NTN1: variants seen among roughly 807,000 people sequenced by gnomAD.
NTN1 encodes the protein netrin 1, also known as netrin-1.
In NTN1, 11 loss-of-function variants were observed where a neutral mutation model predicts 54.2. That is an observed-to-expected ratio of 0.20 (90% confidence interval 0.13 to 0.34). NTN1 has a LOEUF of 0.34. Among genes scored for constraint, NTN1 ranks in the 10% least tolerant of loss-of-function variants. The pLI is 1.00. For missense variants in NTN1, 740 were observed against 893.1 expected, an observed-to-expected ratio of 0.83 and a Z score of 2.18; for synonymous variants, 371 against 382.0, an observed-to-expected ratio of 0.97 and a Z score of 0.33.
intron 2 of NTN1, among the ~76,000 whole-genome samples, chr17:9,057,998 C>T (rs2091984556): frequency 6.6e-6 from 1 of 152,230 alleles, no homozygotes; most frequent in African/African-American, 2.4e-5. Context: ...AGCGATTCTC[C>T]TGCCTCAGCC....
At chr17:9,133,301 TCTCA>T (rs1387936099) in intron 2 of NTN1, among the ~76,000 whole-genome samples, 2 of 152,234 alleles carry the variant, frequency 1.3e-5, no homozygotes, top group Non-Finnish European at 2.9e-5. Context: ...TGGCTGTGGT[TCTCA>T]CTCACAGGAC....
intron 2 of NTN1, among the ~76,000 whole-genome samples, chr17:9,132,960 C>T (rs1442191510): frequency 6.6e-6 from 1 of 152,176 alleles, no homozygotes; most frequent in Admixed American, 6.5e-5. Context: ...GTGGCCCAGC[C>T]TGACTCCAGG....
intron 2 of NTN1, among the ~76,000 whole-genome samples, chr17:9,089,093 G>A (rs1222890569): frequency 2.0e-5 from 3 of 152,078 alleles, no homozygotes; most frequent in Admixed American, 6.6e-5. Context: ...GGTATGAGGA[G>A]CCTCATTTGT....
At chr17:9,173,884 G>A (rs77357122) in intron 3 of NTN1, 1 of 152,474 alleles carries the variant, frequency 6.6e-6, no homozygotes, top group African/African-American at 2.4e-5. Context: ...ACTAGGAAGG[G>A]AGTTTCCCAT....
chr17:9,215,250 TACACAC>T (rs58245153), intron 5 of NTN1, among the ~76,000 whole-genome samples: 2,313 of 138,308 alleles, frequency 0.017, 32 homozygotes, highest in African/African-American at 0.036. Context: ...GCTAGATAGA[TACACAC>T]ACACACACAC....
At position 9,056,174 on chromosome 17, in the gene NTN1, A is replaced by C. The variant is rs190227128; in HGVS notation, c.1018+32783A>C. ...CGGGTTCAAGCAATTCTCCTGCCTC[A>C]GCCTCCCGAGTAGCTGGGATTACAG... On this transcript the variant is annotated intron_variant, in intron 2 of 6. Transcript: ENST00000173229. Among the ~76,000 whole-genome samples the C allele has an allele frequency of 1.2e-4, 19 of 152,268 alleles. No homozygotes were observed. The East Asian group carries it at 3.3e-3, about 26-fold the overall frequency.
intron 2 of NTN1, among the ~76,000 whole-genome samples, chr17:9,097,830 A>G (rs2092136974): frequency 6.6e-6 from 1 of 152,106 alleles, no homozygotes; most frequent in African/African-American, 2.4e-5. Flanking sequence ...CATATAACGT[A>G]ATTTATTGAA....
intron 6 of NTN1, among the ~76,000 whole-genome samples, chr17:9,227,388 C>CTT (rs1555578901): frequency 1.4e-3 from 215 of 150,066 alleles, no homozygotes; most frequent in African/African-American, 4.7e-3. Flanking sequence ...ACACCACACA[C>CTT]TATCACACAG....
At chr17:9,222,470 T>C (rs1209778941) in intron 6 of NTN1, among the ~76,000 whole-genome samples, 1 of 152,130 alleles carries the variant, frequency 6.6e-6, no homozygotes, top group African/African-American at 2.4e-5. Flanking sequence ...TCAGTTTCCT[T>C]ATATGTAAGA....
At chr17:9,200,381 C>T (rs1039467377) in intron 5 of NTN1, among the ~76,000 whole-genome samples, 1 of 152,182 alleles carries the variant, frequency 6.6e-6, no homozygotes, top group African/African-American at 2.4e-5. Flanking sequence ...TTATTAAAGG[C>T]GAATACACAG....
At chr17:9,172,401 C>T (rs2092389432) in intron 3 of NTN1, among the ~76,000 whole-genome samples, 1 of 151,934 alleles carries the variant, frequency 6.6e-6, no homozygotes, top group Non-Finnish European at 1.5e-5. Flanking sequence ...AATGGCGTGA[C>T]CCGGGAGGCG....
intron 1 of NTN1, among the ~76,000 whole-genome samples, chr17:9,021,943 G>A (rs2091850024): frequency 6.6e-6 from 1 of 152,202 alleles, no homozygotes; most frequent in Non-Finnish European, 1.5e-5. Context: ...CGGGCTGCGA[G>A]ACGAAGGGGC....
chr17:9,189,231 AC>A (rs1409972388), intron 5 of NTN1, among the ~76,000 whole-genome samples: 1 of 152,204 alleles, frequency 6.6e-6, no homozygotes, highest in African/African-American at 2.4e-5. Context: ...AGAGGAGTAA[AC>A]TGAGGCACAG....
intron 2 of NTN1, among the ~76,000 whole-genome samples, chr17:9,112,329 C>T (rs1309830601): frequency 2.0e-5 from 3 of 152,140 alleles, no homozygotes; most frequent in Admixed American, 6.5e-5. Flanking sequence ...TTCACCTATT[C>T]GTTACAATTT....
At chr17:9,182,295 TTAGA>T (rs1367632899) in intron 4 of NTN1, among the ~76,000 whole-genome samples, 3 of 152,198 alleles carry the variant, frequency 2.0e-5, no homozygotes, top group African/African-American at 4.8e-5. Context: ...GAGTGCTATA[TTAGA>T]TAGAGAATAA....
rs1906101282 is a variant in NTN1 at position 9,239,252 on chromosome 17, G to A, written c.1487-388G>A. Among the ~76,000 whole-genome samples, 2 of 152,134 alleles carry A rather than the reference G, an allele frequency of 1.3e-5. No homozygotes were observed. The highest frequency in any genetic ancestry group is 4.1e-4 in the South Asian group (2 of 4,828). On this transcript the variant is annotated intron_variant, in intron 6 of 6. Coordinates refer to ENST00000173229, the MANE Select transcript of NTN1 (RefSeq NM_004822.3). This position sits in a 1 kb window ranked among gnomAD's most constrained non-coding sequence, Gnocchi z 5.2. ...AAGTGACTTGGGCCTTTGGAGAAGC[G>A]CACCCCTGAGGAACCTCCCTCTCCC...
At chr17:9,217,979 CCTT>C (rs1019913355) in intron 5 of NTN1, among the ~76,000 whole-genome samples, 18 of 152,156 alleles carry the variant, frequency 1.2e-4, no homozygotes, top group African/African-American at 3.9e-4. Context: ...TCAGCAGCCA[CCTT>C]CTCTGGATCT....
intron 2 of NTN1, among the ~76,000 whole-genome samples, chr17:9,069,053 C>T (rs2092024670): frequency 6.6e-6 from 1 of 152,076 alleles, no homozygotes; most frequent in Admixed American, 6.6e-5. Context: ...AAGTATGGAG[C>T]TGAATTTTCC....
At chr17:9,050,937 C>T (rs1415540509) in intron 2 of NTN1, among the ~76,000 whole-genome samples, 2 of 152,204 alleles carry the variant, frequency 1.3e-5, no homozygotes. Context: ...CAGTCTCCCT[C>T]TTGCCCTGGA....
Sources: allele counts gnomAD v4.1 joint callset (sites outside exome capture counted in the v4.1 genomes callset), GRCh38; gene constraint gnomAD v4.1.1; non-coding constraint Gnocchi (gnomAD v3.1); transcripts MANE v1.5; gene names NCBI Gene and HGNC (gene_info 2026-07-23, HGNC 2026-07-21).